Variants in FRAS1 observed in about 807,000 individuals in gnomAD.
FRAS1 encodes the protein Fraser extracellular matrix complex subunit 1, also known as extracellular matrix organizing protein FRAS1.
Under a neutral mutation model 435.2 loss-of-function variants are expected in FRAS1, and 290 were observed. The observed-to-expected ratio is 0.67, with a 90% CI of 0.61 to 0.73. FRAS1 has a LOEUF of 0.73. FRAS1 is among the 30% of genes least tolerant of loss of function. The pLI is 0.00. For missense variants in FRAS1, 4,860 were observed against 5,001.5 expected (o/e 0.97, Z 0.85); for synonymous variants, 1,800 against 1,851.0 (o/e 0.97, Z 0.71).
chr4:78,376,041 T>C (rs575801568), intron 26 of FRAS1, among the ~76,000 whole-genome samples, 162 bp downstream of exon 26: 5 of 152,274 alleles, frequency 3.3e-5, no homozygotes, highest in Admixed American at 6.5e-5. Context: ...TTATAGAATA[T>C]GGAAAATTGG....
intron 24 of FRAS1, among the ~76,000 whole-genome samples, chr4:78,373,532 G>A (rs556322349): frequency 1.3e-5 from 2 of 150,986 alleles, no homozygotes; most frequent in East Asian, 3.9e-4. Context: ...AATCCCAACA[G>A]TTTGGGAGGC....
intron 32 of FRAS1, among the ~76,000 whole-genome samples, chr4:78,418,511 A>C (rs1479688638): frequency 3.9e-5 from 6 of 152,148 alleles, no homozygotes; most frequent in Non-Finnish European, 8.8e-5. Flanking sequence ...TGACCACTGC[A>C]CTCCAGCCTG....
intron 2 of FRAS1, among the ~76,000 whole-genome samples, chr4:78,199,630 G>T (rs934588702): frequency 6.6e-6 from 1 of 151,974 alleles, no homozygotes; most frequent in Non-Finnish European, 1.5e-5. Flanking sequence ...ATCTTTTTTG[G>T]CCTTAACTCA....
At chr4:78,524,589 T>C (rs1721477459) in intron 69 of FRAS1, among the ~76,000 whole-genome samples, 1 of 152,154 alleles carries the variant, frequency 6.6e-6, no homozygotes, top group African/African-American at 2.4e-5. Flanking sequence ...TGGACCTAAG[T>C]AGTATTTAGG....
At chr4:78,173,603 C>A (rs143145427) in intron 2 of FRAS1, among the ~76,000 whole-genome samples, 16 of 152,206 alleles carry the variant, frequency 1.1e-4, no homozygotes, top group African/African-American at 3.9e-4. Flanking sequence ...AACTGAGAAG[C>A]AAAATATCTT....
chr4:78,226,054 A>G (rs758650737), intron 2 of FRAS1, among the ~76,000 whole-genome samples: 5 of 152,088 alleles, frequency 3.3e-5, no homozygotes, highest in African/African-American at 9.7e-5. Flanking sequence ...CACTTTTACT[A>G]TTCCTTTAGT....
intron 41 of FRAS1, among the ~76,000 whole-genome samples, chr4:78,443,392 A>G (rs948611168): frequency 2.0e-5 from 3 of 152,196 alleles, no homozygotes; most frequent in African/African-American, 2.4e-5. Context: ...TAAATTCAGA[A>G]CCTAGCTGAT....
Position 78,494,906 on chromosome 4 carries a change from T to C in FRAS1, c.8959-1899T>C, listed in dbSNP as rs570920987. Among the ~76,000 whole-genome samples the C allele has an allele frequency of 3.9e-5, 6 of 152,296 alleles. No homozygotes were observed. In the South Asian group the frequency reaches 8.3e-4, roughly 21 times the overall value. ...TTTGATAAACTACAGGACCTGCATATACCTAATTTGAAAAACTTGTGTTGG... is the reference window on the plus strand; with the variant it reads ...TTTGATAAACTACAGGACCTGCATACACCTAATTTGAAAAACTTGTGTTGG... On this transcript the variant is annotated intron_variant, in intron 59 of 73. Coordinates refer to ENST00000512123, the MANE Select transcript of FRAS1 (RefSeq NM_025074.7).
chr4:78,203,505 C>G (rs1469809952), intron 2 of FRAS1, among the ~76,000 whole-genome samples: 1 of 152,130 alleles, frequency 6.6e-6, no homozygotes, highest in Non-Finnish European at 1.5e-5. Flanking sequence ...TGAGGTCTAA[C>G]AAAGTGACAT....
intron 53 of FRAS1, among the ~76,000 whole-genome samples, chr4:78,474,424 G>A (rs1408208126): frequency 6.6e-6 from 1 of 151,930 alleles, no homozygotes; most frequent in Non-Finnish European, 1.5e-5. Flanking sequence ...GAACTTGGGG[G>A]AAAAAAGGAA....
At chr4:78,358,834 T>C (rs1236118730) in intron 20 of FRAS1, among the ~76,000 whole-genome samples, 1 of 152,178 alleles carries the variant, frequency 6.6e-6, no homozygotes, top group East Asian at 1.9e-4. Flanking sequence ...TACTGGAATA[T>C]GATGTCGCTG....
chr4:78,177,601 T>C (rs1190314748), intron 2 of FRAS1, among the ~76,000 whole-genome samples: 1 of 152,212 alleles, frequency 6.6e-6, no homozygotes, highest in East Asian at 1.9e-4. Context: ...CTCTGGGTCC[T>C]GAATCACTGC....
At chr4:78,453,077 A>G (rs1300432107) in intron 47 of FRAS1, among the ~76,000 whole-genome samples, 8 of 152,218 alleles carry the variant, frequency 5.3e-5, no homozygotes, top group African/African-American at 1.9e-4. Context: ...ACATATTCTA[A>G]AAATAGTAGG....
At chr4:78,149,574 G>A (rs1036221959) in intron 2 of FRAS1, among the ~76,000 whole-genome samples, 6 of 152,114 alleles carry the variant, frequency 3.9e-5, no homozygotes, top group Non-Finnish European at 7.4e-5. Context: ...TGGGAGTATA[G>A]TATGTGTATA....
At position 78,192,007 on chromosome 4, in the gene FRAS1, T is replaced by C. The variant is rs547153472; in HGVS notation, c.109-45503T>C. ...AATAGTGCTGCAATAAACATACGTG[T>C]GCATGTGTCTTTACAGCAGCATGAT... On this transcript the variant is annotated intron_variant, in intron 2 of 73. Coordinates refer to ENST00000512123, the MANE Select transcript of FRAS1 (RefSeq NM_025074.7). 6.3e-4 allele frequency among the ~76,000 whole-genome samples: 96 copies of C among 152,324 alleles called. 2 individuals are homozygous for C. Among genetic ancestry groups the C allele is most frequent in the Middle Eastern group, 6.8e-3 (2 of 292 alleles).
intron 47 of FRAS1, among the ~76,000 whole-genome samples, chr4:78,456,207 G>A (rs2109839683): frequency 1.1e-5 from 1 of 91,090 alleles, no homozygotes; most frequent in South Asian, 2.8e-4. Context: ...GCAACGGTGT[G>A]ATCTTGGCTC....
chr4:78,488,440 G>T (rs961565543), intron 58 of FRAS1, among the ~76,000 whole-genome samples: 3 of 152,116 alleles, frequency 2.0e-5, no homozygotes, highest in Admixed American at 2.0e-4. Context: ...AATGTGAGTG[G>T]CCATTTAGCA....
intron 38 of FRAS1, among the ~76,000 whole-genome samples, chr4:78,435,743 A>G (rs891091841): frequency 1.3e-5 from 2 of 151,696 alleles, no homozygotes; most frequent in African/African-American, 2.4e-5. Flanking sequence ...GTCTCAAGAA[A>G]AAAAAAAAAA....
intron 2 of FRAS1, among the ~76,000 whole-genome samples, chr4:78,215,506 C>A (rs1723728664): frequency 6.6e-6 from 1 of 152,144 alleles, no homozygotes; most frequent in Non-Finnish European, 1.5e-5. Context: ...TTATTTTTAA[C>A]TGTACAGGTC....
Sources: gnomAD v4.1 joint callset for allele counts (sites outside exome capture counted in the v4.1 genomes callset) on GRCh38, gnomAD v4.1.1 for gene constraint, MANE v1.5 for transcripts, NCBI Gene and HGNC (gene_info 2026-07-23, HGNC 2026-07-21) for gene names.